PRKG2: variants seen among roughly 807,000 people sequenced by gnomAD.
The protein encoded by PRKG2 is cGMP-dependent protein kinase 2.
PRKG2 carries 33 observed loss-of-function variants against 97.2 expected under a neutral mutation model. That is an observed-to-expected ratio of 0.34 (90% CI 0.26 to 0.45). PRKG2 has a LOEUF of 0.45. Ranked by LOEUF, PRKG2 falls within the 20% of genes least tolerant of loss-of-function variation. The pLI is 1.00. For missense variants in PRKG2, 638 were observed against 900.0 expected (o/e 0.71, Z 3.73); for synonymous variants, 330 against 321.8 (o/e 1.03, Z -0.27).
At chr4:81,089,873 G>A (rs1482120043) in intron 18 of PRKG2, 70 bp from the exon 19 acceptor site, 1 of 1,264,808 alleles carries the variant, frequency 7.9e-7, no homozygotes, top group Non-Finnish European at 1.1e-6. Flanking sequence ...TATGGGTAAT[G>A]TTTTTTATTT....
chr4:81,191,647 C>T (rs942843722), intron 2 of PRKG2, among the ~76,000 whole-genome samples: 1 of 152,068 alleles, frequency 6.6e-6, no homozygotes, highest in Non-Finnish European at 1.5e-5. Flanking sequence ...TTGACCTACA[C>T]ATTCATAGAT....
chr4:81,123,089 T>C (rs868370087), intron 14 of PRKG2, among the ~76,000 whole-genome samples: 18 of 152,370 alleles, frequency 1.2e-4, no homozygotes, highest in Admixed American at 3.3e-4. Context: ...AGTGTATTAT[T>C]TGTGTTTTAT....
intron 6 of PRKG2, among the ~76,000 whole-genome samples, chr4:81,156,609 C>A (rs999297569): frequency 5.3e-5 from 8 of 152,172 alleles, no homozygotes; most frequent in African/African-American, 1.4e-4. Flanking sequence ...CTCTCCACCC[C>A]AAATCAACAG....
chr4:81,194,923 C>CATAT (rs35157306), intron 2 of PRKG2, among the ~76,000 whole-genome samples: 25,765 of 151,238 alleles, frequency 0.17, 2,375 homozygotes, highest in Middle Eastern at 0.25. Context: ...TTTTAATATA[C>CATAT]ATATATATAT....
intron 1 of PRKG2, among the ~76,000 whole-genome samples, chr4:81,210,978 T>C (rs1026299066): frequency 6.6e-6 from 1 of 152,120 alleles, no homozygotes; most frequent in African/African-American, 2.4e-5. Flanking sequence ...TTCAACTGTA[T>C]AGCATTCTGG....
intron 11 of PRKG2, among the ~76,000 whole-genome samples, chr4:81,141,139 T>G (rs1391099387): frequency 6.6e-6 from 1 of 152,042 alleles, no homozygotes; most frequent in East Asian, 1.9e-4. Flanking sequence ...GCTTCCTGAG[T>G]AGCTGGGACT....
chr4:81,146,656 G>A (rs1747885858), intron 9 of PRKG2, among the ~76,000 whole-genome samples: 1 of 152,160 alleles, frequency 6.6e-6, no homozygotes, highest in South Asian at 2.1e-4. Flanking sequence ...CATCTGGTGA[G>A]CACTTCCCAT....
At position 81,171,798 on chromosome 4, in the gene PRKG2, C is replaced by G; in HGVS notation, c.635G>C (p.Arg212Pro). The G allele has an allele frequency of 6.2e-7, 1 of 1,603,694 alleles. No individual in the cohort carries two copies. Among genetic ancestry groups the G allele is most frequent in the Non-Finnish European group, 8.5e-7 (1 of 1,175,202 alleles). Reference sequence around the variant, plus strand: ...TTTCTCCCCTTGGAACACCTCTAGTCGACCCTCTATCAAGCAGAATTTTAA... The same window carrying G: ...TTTCTCCCCTTGGAACACCTCTAGTGGACCCTCTATCAAGCAGAATTTTAA... ...GNHIFVLAEG[R>P]LEVFQGEKLL... Residue 212 changes from arginine to proline, a missense_variant, in exon 4 of 19, where the codon CGA becomes CCA. Coordinates refer to ENST00000264399, the MANE Select transcript of PRKG2 (RefSeq NM_006259.3).
chr4:81,104,854 T>C (rs1042886400), intron 16 of PRKG2, among the ~76,000 whole-genome samples: 1 of 152,130 alleles, frequency 6.6e-6, no homozygotes, highest in Non-Finnish European at 1.5e-5. Context: ...GTAATGCTTT[T>C]TTAAAAGTTC....
rs1486330497 is a variant in PRKG2, at chr4:81,204,511, G to A, written c.461+76C>T. ...GGTCAATATGTTCTTTATCATTAAG[G>A]AGGCTTAATAAATGTCACTCTCATA... On this transcript the variant is annotated intron_variant, in intron 2 of 18. Transcript: ENST00000264399. The A allele has an allele frequency of 1.0e-5, 14 of 1,380,382 alleles. No individual in the cohort carries two copies. In the Admixed American group the frequency reaches 2.8e-4, roughly 27 times the overall value. 85.5% of individuals were successfully genotyped at this position (1,380,382 alleles called of 1,614,324 possible).
intron 2 of PRKG2, among the ~76,000 whole-genome samples, chr4:81,181,997 A>T (rs1327120946): frequency 6.6e-6 from 1 of 151,936 alleles, no homozygotes; most frequent in Admixed American, 6.6e-5. Context: ...CACCCAAAAA[A>T]GTCTAAACCC....
chr4:81,155,046 C>T (rs1474840719), intron 6 of PRKG2, among the ~76,000 whole-genome samples: 1 of 150,540 alleles, frequency 6.6e-6, no homozygotes, highest in Non-Finnish European at 1.5e-5. Context: ...GGCGTAGTGG[C>T]GGGCGCCTGT....
intron 1 of PRKG2, among the ~76,000 whole-genome samples, chr4:81,212,763 G>A (rs1304502324): frequency 1.3e-5 from 2 of 152,190 alleles, no homozygotes; most frequent in Non-Finnish European, 2.9e-5. Context: ...TTAGCGATGA[G>A]GAGAGGAGAG....
chr4:81,102,965 G>A (rs1742950548), intron 17 of PRKG2, among the ~76,000 whole-genome samples: 1 of 152,110 alleles, frequency 6.6e-6, no homozygotes, highest in South Asian at 2.1e-4. Flanking sequence ...TGTAGTCAAA[G>A]GATTTCAATA....
chr4:81,107,147 G>C (rs913960781), intron 15 of PRKG2, among the ~76,000 whole-genome samples: 3 of 152,202 alleles, frequency 2.0e-5, no homozygotes, highest in African/African-American at 7.2e-5. Context: ...AGAGGAGAAA[G>C]ACGGAGTTGG....
intron 2 of PRKG2, among the ~76,000 whole-genome samples, chr4:81,184,170 G>C (rs1751674501): frequency 6.6e-6 from 1 of 152,180 alleles, no homozygotes; most frequent in Non-Finnish European, 1.5e-5. Flanking sequence ...CTCCTCAAGT[G>C]GGTCCCTGAA....
chr4:81,154,935 G>T (rs1281640785), intron 6 of PRKG2, among the ~76,000 whole-genome samples: 1 of 152,134 alleles, frequency 6.6e-6, no homozygotes, highest in Non-Finnish European at 1.5e-5. Flanking sequence ...AGCACTTTGG[G>T]AGGCCGAGGC....
chr4:81,114,541 A>G (rs1744312395), intron 14 of PRKG2, among the ~76,000 whole-genome samples: 1 of 152,226 alleles, frequency 6.6e-6, no homozygotes, highest in African/African-American at 2.4e-5. Context: ...ACTGTCAAGT[A>G]CAGCTAATAA....
intron 16 of PRKG2, among the ~76,000 whole-genome samples, chr4:81,104,661 G>GTA (rs1234212201): frequency 2.2e-4 from 33 of 150,670 alleles, no homozygotes; most frequent in East Asian, 7.8e-4. Flanking sequence ...ACTTCGGAGT[G>GTA]TATATATATA....
Sources: allele counts gnomAD v4.1 joint callset (sites outside exome capture counted in the v4.1 genomes callset), GRCh38; gene constraint gnomAD v4.1.1; transcripts MANE v1.5; gene names NCBI Gene and HGNC (gene_info 2026-07-23, HGNC 2026-07-21).